ITPR3: variants seen among roughly 807,000 people sequenced by gnomAD.
The protein encoded by ITPR3 is inositol 1,4,5-trisphosphate-gated calcium channel ITPR3.
A neutral mutation model predicts 293.2 loss-of-function variants in ITPR3; 173 were observed. That is an observed-to-expected ratio of 0.59 (90% CI 0.52 to 0.67). ITPR3 has a LOEUF of 0.67. ITPR3 is among the 30% of genes least tolerant of loss of function. ITPR3 has a pLI of 0.00. For synonymous variants in ITPR3, 1,295 were observed against 1,444.4 expected, an observed-to-expected ratio of 0.90 and a Z score of 2.35; for missense variants, 2,796 against 3,592.1, an observed-to-expected ratio of 0.78 and a Z score of 5.66.
In ITPR3 at chr6:33,684,094, G is replaced by A. The variant is rs757077055; in HGVS notation, c.4863G>A (p.Leu1621=). Residue 1621 remains leucine, a synonymous_variant, in exon 36 of 58, where the codon CTG becomes CTA. Transcript: ENST00000605930. This position sits in a 1 kb window ranked among gnomAD's most constrained non-coding sequence, Gnocchi z 4.2. ...QAELSVLVDV[L]HWPELLFLEG... is the part of the protein sequence containing the mutation. ...AGCTGTCCGTGCTGGTGGATGTCCT[G>A]CACTGGCCTGAGCTGCTCTTCCTGG... The A allele has an allele frequency of 4.3e-6, 7 of 1,611,634 alleles. No individual in the cohort carries two copies. The highest frequency in any genetic ancestry group is 5.9e-6 in the Non-Finnish European group (7 of 1,179,964).
rs1451006751 is a variant in ITPR3, at chr6:33,683,315, ACAAGG to A, written c.4710_4714del (p.Lys1570AsnfsTer22). 1 of 1,590,978 alleles carries A rather than the reference ACAAGG, an allele frequency of 6.3e-7. No homozygotes were observed. The highest frequency in any genetic ancestry group is 1.3e-5 in the African/African-American group (1 of 74,696). On this transcript the variant is annotated frameshift_variant, in exon 35 of 58. Transcript: ENST00000605930. LOFTEE classifies it high-confidence loss of function. This position sits in a 1 kb window ranked among gnomAD's most constrained non-coding sequence, Gnocchi z 4.5. ...GCCGCCCAGCGGAACGCCTCCAGCT[ACAAGG>A]CAACCACGCGGGCCTTCCCCCGCGT...
At chr6:33,629,482 CTTT>C (rs571746597) in intron 1 of ITPR3, among the ~76,000 whole-genome samples, 9 of 138,670 alleles carry the variant, frequency 6.5e-5, no homozygotes, top group Non-Finnish European at 6.3e-5. Flanking sequence ...CCATTGGTTT[CTTT>C]TTTTTTTTTT....
In ITPR3 at chr6:33,678,487, A is replaced by G. The variant is rs1329531501; in HGVS notation, c.3715A>G (p.Asn1239Asp). 1.2e-6 allele frequency: 2 copies of G among 1,613,166 alleles called. No individual in the cohort carries two copies. The highest frequency in any genetic ancestry group is 1.7e-4 in the Middle Eastern group (1 of 6,058). ...GTTCCTGCAGAAGTTCTGTGCAGGGAACCCCGGCAACCAGGCCCTGCTGCA... is the reference window on the plus strand; with the variant it reads ...GTTCCTGCAGAAGTTCTGTGCAGGGGACCCCGGCAACCAGGCCCTGCTGCA... The part of the protein sequence containing the change: ...HQFLQKFCAG[N>D]PGNQALLHKH... Residue 1239 changes from asparagine (N) to aspartate (D), a missense_variant, in exon 29 of 58, where the codon AAC (asparagine) becomes GAC (aspartate). This residue lies in a region of ITPR3 where 344 missense variants were observed against 460.3 expected (regional missense o/e 0.75). Coordinates refer to ENST00000605930, the MANE Select transcript of ITPR3 (RefSeq NM_002224.4).
At chr6:33,651,351 G>A (rs1476097008) in intron 2 of ITPR3, among the ~76,000 whole-genome samples, 3 of 151,794 alleles carry the variant, frequency 2.0e-5, no homozygotes, top group Non-Finnish European at 4.4e-5. Flanking sequence ...AGGCCCTGGT[G>A]TTCCTTCTGC....
In ITPR3 at chr6:33,675,910, G is replaced by A; in HGVS notation, c.3282+54G>A. The A allele has an allele frequency of 6.8e-7, 1 of 1,481,466 alleles. No individual in the cohort carries two copies. 91.8% of individuals were successfully genotyped at this position (1,481,466 alleles called of 1,614,324 possible). A position where few individuals can be genotyped will look rare whatever the true frequency, so the allele number is the denominator to read the frequency against. ...AGCATGAGGCCTGCACCAGGCACGG[G>A]GGGACAGTAAACGATGATTGAGGAG... On this transcript the variant is annotated intron_variant, in intron 25 of 57. Transcript: ENST00000605930. The surrounding 1 kb of genome is among the most constrained non-coding windows in gnomAD (Gnocchi z 5.0).
rs1312512530 is a variant in ITPR3, at chr6:33,666,226, G to C, written c.1551+250G>C. Among the ~76,000 whole-genome samples, 1 of 151,658 alleles carries C rather than the reference G, an allele frequency of 6.6e-6. No homozygotes were observed. Among genetic ancestry groups the C allele is most frequent in the African/African-American group, 2.4e-5 (1 of 40,948 alleles). On this transcript the variant is annotated intron_variant, in intron 14 of 57. Transcript: ENST00000605930. This position sits in a 1 kb window ranked among gnomAD's most constrained non-coding sequence, Gnocchi z 5.1. The stretch of plus-strand genomic sequence containing the variant: ...CACAGGCCAGAGTCGCTGTCCCAGG[G>C]CTCACAGCTAGGAAGCGGCAGCCAG...
chr6:33,684,674 A>G lies in ITPR3; in HGVS notation c.5123A>G (p.Asp1708Gly), dbSNP rs748783165. Residue 1708 changes from aspartate to glycine, a missense_variant, in exon 38 of 58, where the codon GAC becomes GGC. Physicochemically the swap from Asp to Gly is moderately conservative, Grantham distance 94 (BLOSUM62 -1). Transcript: ENST00000605930. The surrounding 1 kb of genome is among the most constrained non-coding windows in gnomAD (Gnocchi z 4.2). ...RKSTSRGDLP[D>G]PIGTGLDPDW... The stretch of plus-strand genomic sequence containing the variant: ...TCCACCTCGCGGGGGGACCTTCCCG[A>G]CCCCATAGGCACTGGTCAGTATCAC... 1 of 1,613,934 alleles carries G rather than the reference A, an allele frequency of 6.2e-7. No individual in the cohort carries two copies. The highest frequency in any genetic ancestry group is 8.5e-7 in the Non-Finnish European group (1 of 1,179,976).
In ITPR3 at chr6:33,682,656, G is replaced by A. The variant is rs78238190; in HGVS notation, c.4597+12G>A. The A allele has an allele frequency of 0.021, 33,734 of 1,589,438 alleles. 473 individuals carry two copies. The highest frequency in any genetic ancestry group is 0.026 in the Non-Finnish European group (29,958 of 1,170,290). On this transcript the variant is annotated intron_variant, in intron 34 of 57. Transcript: ENST00000605930. The surrounding 1 kb of genome is among the most constrained non-coding windows in gnomAD (Gnocchi z 5.4). ...CCTCGCCATGGTGGGTGAGTGTGCC[G>A]GGGCACTGGCCAGCCCCAAACCACT...
Position 33,670,523 on chromosome 6 carries a change from G to A in ITPR3, c.2388G>A (p.Pro796=), listed in dbSNP as rs17526232. ...GTGACCCCCAGGAGCTGGTCACGCC[G>A]GTCAAGTTTGCCCGTCTCTGGACTG... ...VDRDPQELVT[P]VKFARLWTEI... The change falls in exon 19 of 58, where the codon CCG becomes CCA. Residue 796 remains proline, a synonymous_variant. Transcript: ENST00000605930. This position sits in a 1 kb window ranked among gnomAD's most constrained non-coding sequence, Gnocchi z 6.7. 28,439 of 1,613,698 alleles carry A rather than the reference G, an allele frequency of 0.018. 899 individuals are homozygous for A. Among genetic ancestry groups the A allele is most frequent in the South Asian group, 0.1 (9,526 of 91,072 alleles).
At chr6:33,629,258 TC>T in intron 1 of ITPR3, among the ~76,000 whole-genome samples, 1 of 152,276 alleles carries the variant, frequency 6.6e-6, no homozygotes, top group Non-Finnish European at 1.5e-5. Flanking sequence ...TTATTATACA[TC>T]CCTATGTAAC....
intron 1 of ITPR3, among the ~76,000 whole-genome samples, chr6:33,636,123 C>CAAAAAAAAA (rs59543122): frequency 1.1e-4 from 9 of 83,314 alleles, no homozygotes; most frequent in African/African-American, 2.1e-4. Context: ...GCTGTCTCTA[C>CAAAAAAAAA]AAAAAAAAAA....
Position 33,692,719 on chromosome 6 carries a change from C to A in ITPR3, c.7459-9C>A, listed in dbSNP as rs1765427384. Reference sequence around the variant, plus strand: ...ACCGGGCCCAGCCTCCCTGCCTCATCCCCTGCAGGAGTCTCTCTTCCCAGC... The same window carrying A: ...ACCGGGCCCAGCCTCCCTGCCTCATACCCTGCAGGAGTCTCTCTTCCCAGC... On this transcript the variant is annotated splice_polypyrimidine_tract_variant and intron_variant, in intron 54 of 57. Coordinates refer to ENST00000605930, the MANE Select transcript of ITPR3 (RefSeq NM_002224.4). The surrounding 1 kb of genome is among the most constrained non-coding windows in gnomAD (Gnocchi z 4.2). The A allele has an allele frequency of 1.9e-6, 3 of 1,613,596 alleles. No individual in the cohort carries two copies. The highest frequency in any genetic ancestry group is 2.5e-6 in the Non-Finnish European group (3 of 1,179,672).
intron 43 of ITPR3, 119 bp from the exon 44 acceptor site, chr6:33,686,890 G>T: frequency 1.2e-6 from 1 of 811,742 alleles, no homozygotes; most frequent in Non-Finnish European, 2.1e-6. Flanking sequence ...GGATGGGAAG[G>T]TCATGGCACC....
At chr6:33,652,719 C>T (rs962344177) in intron 2 of ITPR3, among the ~76,000 whole-genome samples, 22 of 152,244 alleles carry the variant, frequency 1.4e-4, no homozygotes, top group Admixed American at 3.3e-4. Flanking sequence ...CCGCCTTGGC[C>T]TCCCAAAGTG....
At chr6:33,657,611 G>C (rs79217250) in intron 3 of ITPR3, among the ~76,000 whole-genome samples, 7,529 of 151,976 alleles carry the variant, frequency 0.05, 222 homozygotes, top group African/African-American at 0.07. Flanking sequence ...GGTTCCTGGG[G>C]GGGTAAGGGG....
At chr6:33,652,495 C>G (rs1764214102) in intron 2 of ITPR3, among the ~76,000 whole-genome samples, 1 of 152,206 alleles carries the variant, frequency 6.6e-6, no homozygotes, top group South Asian at 2.1e-4. Flanking sequence ...AAGTCTTGCT[C>G]TGTCACCCAG....
chr6:33,683,179 C>A lies in ITPR3; in HGVS notation c.4598-28C>A. On this transcript the variant is annotated intron_variant, in intron 34 of 57. Coordinates refer to ENST00000605930, the MANE Select transcript of ITPR3 (RefSeq NM_002224.4). The surrounding 1 kb of genome is among the most constrained non-coding windows in gnomAD (Gnocchi z 4.5). ...TGGCTGAACTGCCCCCGCACCAGCA[C>A]TCCAGCACTCCCTCCCTTCCCACCC... 1 of 1,480,140 alleles carries A rather than the reference C, an allele frequency of 6.8e-7. No homozygotes were observed. Among genetic ancestry groups the A allele is most frequent in the Non-Finnish European group, 9.1e-7 (1 of 1,104,038 alleles). The allele number at this position is 1,480,140 out of a possible 1,614,324, so 91.7% of individuals were successfully genotyped here.
In ITPR3 at chr6:33,685,499, T is replaced by G; in HGVS notation, c.5448T>G (p.His1816Gln). 6.2e-7 allele frequency: 1 copy of G among 1,612,874 alleles called. No homozygotes were observed. The highest frequency in any genetic ancestry group is 8.5e-7 in the Non-Finnish European group (1 of 1,179,638). ...VNMNDLGSQP[H>Q]EDREPVDPTT... Reference sequence around the variant, plus strand: ...TGAATGACCTGGGCAGCCAGCCACATGAGGACCGCGAGCCAGTCGACCCCA... The same window carrying G: ...TGAATGACCTGGGCAGCCAGCCACAGGAGGACCGCGAGCCAGTCGACCCCA... Residue 1816 changes from histidine to glutamine, a missense_variant, in exon 40 of 58, where the codon CAT (histidine) becomes CAG (glutamine). Coordinates refer to ENST00000605930, the MANE Select transcript of ITPR3 (RefSeq NM_002224.4).
At chr6:33,631,145 G>A (rs757000918) in intron 1 of ITPR3, among the ~76,000 whole-genome samples, 32 of 152,262 alleles carry the variant, frequency 2.1e-4, no homozygotes, top group Admixed American at 5.9e-4. Context: ...CTGTGGAGTG[G>A]TGGCCAGTTG....
Sources: allele counts gnomAD v4.1 joint callset (sites outside exome capture counted in the v4.1 genomes callset), GRCh38; gene constraint gnomAD v4.1.1; regional missense constraint gnomAD v4.1.1; non-coding constraint Gnocchi (gnomAD v3.1); transcripts MANE v1.5; gene names NCBI Gene and HGNC (gene_info 2026-07-23, HGNC 2026-07-21).